The following CNR2 variants were observed in gnomAD, a reference collection of about 807,000 sequenced individuals.
The protein encoded by CNR2 is cannabinoid receptor 2.
For synonymous variants in CNR2, 172 were observed against 182.2 expected (o/e 0.94, Z 0.45); for missense variants, 379 against 439.9 (o/e 0.86, Z 1.24).
intron 1 of CNR2, among the ~76,000 whole-genome samples, chr1:23,892,268 G>A (rs545412263): frequency 2.9e-4 from 44 of 152,244 alleles, no homozygotes; most frequent in African/African-American, 9.1e-4. Context: ...GCACTGGGCA[G>A]GGAAGGAACT....
Position 23,875,612 on chromosome 1 carries a change from C to T in CNR2, c.6G>A (p.Glu2=), listed in dbSNP as rs200072375. ...TGGCTATCTCTGTCACCCAGCATTC[C>T]TCCATGGGGTGGGCCCTTCAGATTC... M[E]ECWVTEIANG... Residue 2 remains glutamate, a synonymous_variant, in exon 2 of 2, where the codon GAG becomes GAA. Coordinates refer to ENST00000374472, the MANE Select transcript of CNR2 (RefSeq NM_001841.3). The T allele has an allele frequency of 6.3e-7, 1 of 1,598,418 alleles. No individual in the cohort carries two copies.
chr1:23,901,635 C>T (rs1403559803), intron 1 of CNR2: 4 of 1,562,444 alleles, frequency 2.6e-6, no homozygotes, highest in Non-Finnish European at 3.5e-6. Context: ...ACAGCACTGG[C>T]CATGTAGAAG....
intron 1 of CNR2, among the ~76,000 whole-genome samples, chr1:23,898,326 C>T (rs1488869150): frequency 5.6e-5 from 7 of 125,962 alleles, no homozygotes; most frequent in South Asian, 2.7e-4. Flanking sequence ...CGTGAGCCAC[C>T]GCGCCCGGCT....
intron 1 of CNR2, among the ~76,000 whole-genome samples, chr1:23,885,650 C>T (rs1418494523): frequency 1.3e-5 from 2 of 151,522 alleles, no homozygotes; most frequent in East Asian, 3.9e-4. Context: ...GAGGCTGAAG[C>T]AGGTGGATCA....
intron 1 of CNR2, among the ~76,000 whole-genome samples, chr1:23,907,408 CAAAAA>C (rs58616828): frequency 1.0e-5 from 1 of 98,282 alleles, no homozygotes; most frequent in Admixed American, 1.1e-4. Flanking sequence ...GACCTTGTCT[CAAAAA>C]AAAAAAAAAA....
intron 1 of CNR2, among the ~76,000 whole-genome samples, chr1:23,876,025 T>C (rs945968878): frequency 1.3e-4 from 20 of 151,856 alleles, no homozygotes. Context: ...AGTGATAAGG[T>C]TGAGGGTTTT....
chr1:23,891,305 G>A (rs1291887914), intron 1 of CNR2, among the ~76,000 whole-genome samples: 2 of 139,176 alleles, frequency 1.4e-5, no homozygotes, highest in East Asian at 2.1e-4. Context: ...GTGTGTGTGT[G>A]AGCCTATGAA....
intron 1 of CNR2, among the ~76,000 whole-genome samples, chr1:23,906,205 C>T (rs1640483426): frequency 6.6e-6 from 1 of 152,074 alleles, no homozygotes; most frequent in Non-Finnish European, 1.5e-5. Context: ...AGTGGGACTC[C>T]AGGCCCACAC....
At chr1:23,902,605 C>T in intron 1 of CNR2, 2 of 1,604,174 alleles carry the variant, frequency 1.2e-6, no homozygotes, top group East Asian at 4.5e-5. Flanking sequence ...GCATAGAAGA[C>T]GGAGCTGCAG....
intron 1 of CNR2, chr1:23,901,932 G>T: frequency 6.2e-7 from 1 of 1,602,164 alleles, no homozygotes; most frequent in Non-Finnish European, 8.5e-7. Flanking sequence ...TGCGGGGTGA[G>T]GCCCTTCCTC....
chr1:23,876,446 AC>A (rs1639876113), intron 1 of CNR2, among the ~76,000 whole-genome samples: 1 of 151,466 alleles, frequency 6.6e-6, no homozygotes, highest in African/African-American at 2.4e-5. Flanking sequence ...GAGGTGATCC[AC>A]CCACCTCAGC....
At chr1:23,900,191 G>A (rs1640374500) in intron 1 of CNR2, among the ~76,000 whole-genome samples, 1 of 151,934 alleles carries the variant, frequency 6.6e-6, no homozygotes, top group Non-Finnish European at 1.5e-5. Context: ...CAGCGCAAGA[G>A]GACAGCTTCG....
At chr1:23,903,027 C>T (rs1226325617) in intron 1 of CNR2, among the ~76,000 whole-genome samples, 1 of 151,694 alleles carries the variant, frequency 6.6e-6, no homozygotes, top group Non-Finnish European at 1.5e-5. Flanking sequence ...GCAGGGAGGT[C>T]GGGCGCTGAG....
At chr1:23,891,904 G>A (rs1459936040) in intron 1 of CNR2, among the ~76,000 whole-genome samples, 3 of 152,086 alleles carry the variant, frequency 2.0e-5, no homozygotes, top group African/African-American at 7.2e-5. Context: ...GTAGACTCTT[G>A]GTGGAGGTCT....
intron 1 of CNR2, chr1:23,901,322 AG>A: frequency 4.6e-6 from 3 of 653,466 alleles, no homozygotes; most frequent in Non-Finnish European, 7.6e-6. Context: ...TGTGTGGAAA[AG>A]GTGCCTACTT....
intron 1 of CNR2, among the ~76,000 whole-genome samples, chr1:23,878,717 A>G (rs1308771269): frequency 6.6e-6 from 1 of 152,218 alleles, no homozygotes; most frequent in Non-Finnish European, 1.5e-5. Flanking sequence ...ATGTTCATGT[A>G]TATCATATAG....
chr1:23,884,945 C>T (rs1056438674), intron 1 of CNR2, among the ~76,000 whole-genome samples: 5 of 152,090 alleles, frequency 3.3e-5, no homozygotes, highest in African/African-American at 1.2e-4. Flanking sequence ...GGATCACAGG[C>T]GTCTGCCACT....
intron 1 of CNR2, among the ~76,000 whole-genome samples, chr1:23,894,887 C>A (rs1640253203): frequency 6.6e-6 from 1 of 152,146 alleles, no homozygotes; most frequent in Non-Finnish European, 1.5e-5. Flanking sequence ...CCCCTCCCAT[C>A]TCCAAACAAA....
At chr1:23,901,950 G>C in intron 1 of CNR2, 1 of 1,603,978 alleles carries the variant, frequency 6.2e-7, no homozygotes, top group South Asian at 1.1e-5. Context: ...CTCTTGATCA[G>C]GGGGAAGTCC....
Sources: gnomAD v4.1 joint callset for allele counts (sites outside exome capture counted in the v4.1 genomes callset) on GRCh38, gnomAD v4.1.1 for gene constraint, MANE v1.5 for transcripts, NCBI Gene and HGNC (gene_info 2026-07-23, HGNC 2026-07-21) for gene names.